CD53: variants seen among roughly 807,000 people sequenced by gnomAD.
The protein encoded by CD53 is leukocyte surface antigen CD53.
CD53 carries 20 observed loss-of-function variants against 27.3 expected under a neutral mutation model. The ratio of observed to expected loss-of-function variants is 0.73; its 90% CI spans 0.52 to 1.07. The LOEUF is 1.07. Ranked by LOEUF, CD53 falls within the 50% of genes least tolerant of loss-of-function variation. The pLI, the probability that CD53 is intolerant of heterozygous loss-of-function variation, is 0.00. For missense variants in CD53, 216 were observed against 264.0 expected (o/e 0.82, Z 1.26); for synonymous variants, 106 against 105.3 (o/e 1.01, Z -0.04).
chr1:110,897,672 A>G, intron 6 of CD53, 137 bp from the exon 7 acceptor site: 1 of 507,968 alleles, frequency 2.0e-6, no homozygotes, highest in East Asian at 3.1e-5. Context: ...TCATTCACGC[A>G]AAGAAAATAA....
chr1:110,891,250 C>A, intron 1 of CD53, 142 bp from the exon 2 acceptor site: 2 of 640,910 alleles, frequency 3.1e-6, no homozygotes, highest in Non-Finnish European at 5.6e-6. Context: ...ACTAGGAAAG[C>A]GCAGAGTTTG....
chr1:110,894,428 G>A (rs1208664612), intron 4 of CD53, 27 bp downstream of exon 4: 1 of 1,551,836 alleles, frequency 6.4e-7, no homozygotes, highest in Admixed American at 1.7e-5. Context: ...ACAACTTATT[G>A]TCTTAATACT....
At chr1:110,897,980 C>T (rs1010224240) in intron 7 of CD53, 88 bp downstream of exon 7, 4 of 663,168 alleles carry the variant, frequency 6.0e-6, no homozygotes, top group Admixed American at 5.2e-5. Context: ...ACAGTATTTA[C>T]ACAATAAATG....
At chr1:110,886,748 T>C (rs907607241) in intron 1 of CD53, among the ~76,000 whole-genome samples, 1 of 151,116 alleles carries the variant, frequency 6.6e-6, no homozygotes, top group African/African-American at 2.4e-5. Flanking sequence ...CTCGGGAGGC[T>C]GATGCAGAAT....
chr1:110,883,688 T>C (rs1314552494), intron 1 of CD53, among the ~76,000 whole-genome samples: 1 of 151,982 alleles, frequency 6.6e-6, no homozygotes, highest in Non-Finnish European at 1.5e-5. Context: ...GTTTTCTTTA[T>C]GGGAAGACTT....
At chr1:110,880,431 GA>G (rs1656312089) in intron 1 of CD53, 2 of 152,148 alleles carry the variant, frequency 1.3e-5, no homozygotes, top group South Asian at 4.1e-4. Flanking sequence ...GTGAAGGAAA[GA>G]ATCAGTAGGA....
At chr1:110,875,761 G>A (rs1656106832) in intron 1 of CD53, among the ~76,000 whole-genome samples, 1 of 152,214 alleles carries the variant, frequency 6.6e-6, no homozygotes, top group Non-Finnish European at 1.5e-5. Flanking sequence ...TGGCTGCTGG[G>A]GCAGAGGAGG....
In CD53 at chr1:110,892,381, C is replaced by G; in HGVS notation, c.100C>G (p.Leu34Val). ...GCCILGFGIY[L>V]LIHNNFGVLF... is the part of the protein sequence containing the mutation. ...CTGCATTTTGGGCTTTGGGATCTAC[C>G]TGCTGATCCACAACAACTTCGGAGT... Residue 34 changes from leucine (L) to valine (V), a missense_variant, in exon 3 of 8, where the codon CTG becomes GTG. Leu to Val is a conservative substitution (Grantham distance 32). Transcript: ENST00000271324. 2 of 1,613,954 alleles carry G rather than the reference C, an allele frequency of 1.2e-6. No individual in the cohort carries two copies. Among genetic ancestry groups the G allele is most frequent in the East Asian group, 2.2e-5 (1 of 44,886 alleles).
chr1:110,886,865 A>ATTTTTT (rs1247400020), intron 1 of CD53, among the ~76,000 whole-genome samples: 2 of 44,366 alleles, frequency 4.5e-5, no homozygotes, highest in African/African-American at 7.3e-5. Flanking sequence ...ATATATATAT[A>ATTTTTT]TATATTTTTT....
intron 1 of CD53, among the ~76,000 whole-genome samples, chr1:110,885,191 C>T (rs1656525718): frequency 6.6e-6 from 1 of 152,142 alleles, no homozygotes; most frequent in African/African-American, 2.4e-5. Flanking sequence ...ATAAAGTTTA[C>T]TTTTACATTT....
intron 1 of CD53, among the ~76,000 whole-genome samples, chr1:110,877,748 C>T (rs890505098): frequency 6.6e-6 from 1 of 152,102 alleles, no homozygotes; most frequent in Non-Finnish European, 1.5e-5. Context: ...ACAGATATTC[C>T]TTGATTAGTT....
chr1:110,894,538 T>A, intron 4 of CD53, 137 bp downstream of exon 4: 1 of 657,602 alleles, frequency 1.5e-6, no homozygotes, highest in Non-Finnish European at 2.6e-6. Flanking sequence ...AAACAGAGAG[T>A]AATTGTAATT....
chr1:110,889,537 G>A (rs925942681), intron 1 of CD53, among the ~76,000 whole-genome samples: 10 of 150,752 alleles, frequency 6.6e-5, no homozygotes, highest in Non-Finnish European at 1.0e-4. Context: ...CAGCCTCGGC[G>A]AAAGAGCAAA....
chr1:110,885,691 CCTCT>C (rs1036556855), intron 1 of CD53, among the ~76,000 whole-genome samples: 1 of 151,700 alleles, frequency 6.6e-6, no homozygotes, highest in African/African-American at 2.4e-5. Context: ...GGCGAAACCC[CCTCT>C]CTACTAAAAA....
intron 1 of CD53, among the ~76,000 whole-genome samples, chr1:110,891,007 G>T (rs541314394): frequency 6.6e-6 from 1 of 152,346 alleles, no homozygotes; most frequent in South Asian, 2.1e-4. Context: ...TTTCTTGATG[G>T]CTGATTGACC....
chr1:110,877,779 C>G (rs538196680), intron 1 of CD53, among the ~76,000 whole-genome samples: 1 of 152,168 alleles, frequency 6.6e-6, no homozygotes, highest in Non-Finnish European at 1.5e-5. Context: ...TGAATGGACA[C>G]GAATACATGA....
At chr1:110,885,437 C>G (rs1656540572) in intron 1 of CD53, among the ~76,000 whole-genome samples, 1 of 152,154 alleles carries the variant, frequency 6.6e-6, no homozygotes, top group South Asian at 2.1e-4. Context: ...ACTCGGGAGG[C>G]TGAGGCAGGA....
At chr1:110,896,534 C>T in intron 5 of CD53, 119 bp from the exon 6 acceptor site, 1 of 877,440 alleles carries the variant, frequency 1.1e-6, no homozygotes, top group Non-Finnish European at 1.8e-6. Flanking sequence ...GCAATCAGAC[C>T]AATTCTGGAC....
chr1:110,899,426 T>C lies in CD53; in HGVS notation c.*231T>C. On this transcript the variant is annotated 3_prime_UTR_variant, in exon 8 of 8. Coordinates refer to ENST00000271324, the MANE Select transcript of CD53 (RefSeq NM_000560.4). ...GCAGCAGCCATGTCTCTCAAAGTGGTGAAACTAATATCTGAGCATCTTTTA... is the reference window on the plus strand; with the variant it reads ...GCAGCAGCCATGTCTCTCAAAGTGGCGAAACTAATATCTGAGCATCTTTTA... 1 of 444,458 alleles carries C rather than the reference T, an allele frequency of 2.2e-6. No homozygotes were observed. Among genetic ancestry groups the C allele is most frequent in the Non-Finnish European group, 4.1e-6 (1 of 244,464 alleles). The allele number at this position is 444,458 out of a possible 1,614,324, so 27.5% of individuals were successfully genotyped here.
Sources: allele counts gnomAD v4.1 joint callset (sites outside exome capture counted in the v4.1 genomes callset), GRCh38; gene constraint gnomAD v4.1.1; transcripts MANE v1.5; gene names NCBI Gene and HGNC (gene_info 2026-07-23, HGNC 2026-07-21).